The following STK24 variants were observed in gnomAD, a reference collection of about 807,000 sequenced individuals.
The protein encoded by STK24 is serine/threonine kinase 24, also known as serine/threonine-protein kinase 24.
A neutral mutation model predicts 55.6 loss-of-function variants in STK24; 21 were observed. That is an observed-to-expected ratio of 0.38 (90% CI 0.27 to 0.54). The LOEUF (loss-of-function observed/expected upper bound fraction) is 0.54, where lower values mean the gene tolerates loss of function less well. STK24 is among the 20% of genes least tolerant of loss of function. STK24 has a pLI of 0.79. For synonymous variants in STK24, 200 were observed against 215.2 expected, an observed-to-expected ratio of 0.93 and a Z score of 0.62; for missense variants, 383 against 538.4, an observed-to-expected ratio of 0.71 and a Z score of 2.86.
rs138987102 is a variant in STK24 at position 98,575,877 on chromosome 13, G to C, written c.42+868C>G. On this transcript the variant is annotated intron_variant, in intron 1 of 10. Coordinates refer to ENST00000539966, the MANE Select transcript of STK24 (RefSeq NM_001032296.4). ...AGCTTTGTTTTTCAAAGGGCTAAAA[G>C]CAACGACAACGAAAACAACAACAAC... The C allele has an allele frequency of 1.3e-5, 4 of 306,870 alleles. 1 individual carries two copies. The highest frequency in any genetic ancestry group is 4.5e-5 in the African/African-American group (2 of 44,300). The allele number at this position is 306,870 out of a possible 1,614,324, so 19.0% of individuals were successfully genotyped here. A position where few individuals can be genotyped will look rare whatever the true frequency, so the allele number is the denominator to read the frequency against.
intron 1 of STK24, among the ~76,000 whole-genome samples, chr13:98,566,271 C>T (rs55868952): frequency 0.17 from 26,473 of 152,194 alleles, 2,679 homozygotes; most frequent in Non-Finnish European, 0.23. Flanking sequence ...TAAAAACGCC[C>T]AAAACACCCT....
chr13:98,529,707 G>C (rs1896532421), intron 1 of STK24, among the ~76,000 whole-genome samples: 1 of 152,092 alleles, frequency 6.6e-6, no homozygotes, highest in African/African-American at 2.4e-5. Context: ...CCAAACAGGG[G>C]GGTCCAGAGG....
intron 1 of STK24, among the ~76,000 whole-genome samples, chr13:98,560,551 A>G (rs1897391434): frequency 6.6e-6 from 1 of 152,182 alleles, no homozygotes; most frequent in South Asian, 2.1e-4. Flanking sequence ...TATTTACCAT[A>G]TATTTATAAA....
intron 2 of STK24, among the ~76,000 whole-genome samples, chr13:98,497,561 C>T (rs2139336935): frequency 6.6e-6 from 1 of 152,328 alleles, no homozygotes; most frequent in East Asian, 1.9e-4. Flanking sequence ...CCTCAAATGA[C>T]CTGTCATGCT....
At chr13:98,457,140 C>T (rs1238902119) in intron 10 of STK24, 28 bp downstream of exon 10, 1 of 1,602,166 alleles carries the variant, frequency 6.2e-7, no homozygotes. Context: ...CTCTCCTTCC[C>T]CAGCCCAGAG....
At chr13:98,541,111 G>A (rs116573024) in intron 1 of STK24, among the ~76,000 whole-genome samples, 1,928 of 152,306 alleles carry the variant, frequency 0.013, 50 homozygotes, top group African/African-American at 0.044. Flanking sequence ...CTTAGTTATA[G>A]ACTAAGAGAA....
chr13:98,472,086 G>A (rs1270931399), intron 5 of STK24, among the ~76,000 whole-genome samples: 1 of 152,180 alleles, frequency 6.6e-6, no homozygotes, highest in African/African-American at 2.4e-5. Flanking sequence ...GACACACACA[G>A]GGCAGCCAGG....
At chr13:98,521,167 A>G (rs755590690) in intron 1 of STK24, among the ~76,000 whole-genome samples, 6 of 152,188 alleles carry the variant, frequency 3.9e-5, no homozygotes, top group Non-Finnish European at 8.8e-5. Flanking sequence ...TGGCTCCTAA[A>G]ACGCTACACA....
intron 2 of STK24, among the ~76,000 whole-genome samples, chr13:98,483,366 G>A (rs1894674777): frequency 6.6e-6 from 1 of 152,192 alleles, no homozygotes; most frequent in Non-Finnish European, 1.5e-5. Context: ...TGCTGACTCA[G>A]GACTCGGTGG....
chr13:98,507,676 A>G (rs1895740960), intron 2 of STK24, among the ~76,000 whole-genome samples: 1 of 152,198 alleles, frequency 6.6e-6, no homozygotes, highest in Non-Finnish European at 1.5e-5. Context: ...GCAGATGAGG[A>G]AACAGAGCCC....
chr13:98,477,794 C>T (rs1349972197), intron 3 of STK24, among the ~76,000 whole-genome samples: 1 of 152,170 alleles, frequency 6.6e-6, no homozygotes, highest in Non-Finnish European at 1.5e-5. Context: ...AACCACCTCC[C>T]TTCCATTACC....
intron 6 of STK24, 55 bp from the exon 7 acceptor site, chr13:98,463,891 C>G (rs1238975306): frequency 6.3e-7 from 1 of 1,584,154 alleles, no homozygotes; most frequent in Non-Finnish European, 8.6e-7. Flanking sequence ...GGTCCTACCC[C>G]AAAGGACAGA....
chr13:98,482,002 G>C (rs985112991), intron 3 of STK24, among the ~76,000 whole-genome samples: 1 of 151,782 alleles, frequency 6.6e-6, no homozygotes, highest in Non-Finnish European at 1.5e-5. Flanking sequence ...AGGAAGTAGA[G>C]GTAGCAGTGA....
In STK24 at chr13:98,445,921, A is replaced by AGATC. The variant is rs1892805074; in HGVS notation, c.*7248_*7251dup. The AGATC allele has an allele frequency of 1.8e-6, 1 of 556,448 alleles. No individual in the cohort carries two copies. Among genetic ancestry groups the AGATC allele is most frequent in the African/African-American group, 1.9e-5 (1 of 52,122 alleles). The allele number at this position is 556,448 out of a possible 1,614,324, so 34.5% of individuals were successfully genotyped here. A position where few individuals can be genotyped will look rare whatever the true frequency, so the allele number is the denominator to read the frequency against. ...CAGCAAGTGACAAGGGGAAGTGATG[A>AGATC]GATCAGGGTCCCAGGACCTGCCAAG... On this transcript the variant is annotated 3_prime_UTR_variant, in exon 11 of 11. Transcript: ENST00000539966.
chr13:98,480,125 G>C (rs557475726), intron 3 of STK24, among the ~76,000 whole-genome samples: 20 of 152,236 alleles, frequency 1.3e-4, no homozygotes, highest in Middle Eastern at 3.2e-3. Flanking sequence ...TTAAGCAGAA[G>C]TGAAAAACAG....
chr13:98,478,989 G>A (rs1402677450), intron 3 of STK24, among the ~76,000 whole-genome samples: 6 of 152,138 alleles, frequency 3.9e-5, no homozygotes, highest in Non-Finnish European at 7.3e-5. Context: ...AGGACTTTCC[G>A]CTGCTGTGTC....
At chr13:98,474,392 G>A (rs1254851846) in intron 5 of STK24, among the ~76,000 whole-genome samples, 1 of 152,092 alleles carries the variant, frequency 6.6e-6, no homozygotes, top group Non-Finnish European at 1.5e-5. Context: ...TCTTGTGGGA[G>A]CCCCTTTCTC....
intron 1 of STK24, among the ~76,000 whole-genome samples, chr13:98,549,154 C>T (rs1278820370): frequency 6.6e-6 from 1 of 152,226 alleles, no homozygotes; most frequent in African/African-American, 2.4e-5. Flanking sequence ...ATGCAGCTAA[C>T]CACCAACAAT....
chr13:98,463,539 C>G, intron 7 of STK24, 152 bp downstream of exon 7: 1 of 915,942 alleles, frequency 1.1e-6, no homozygotes, highest in Non-Finnish European at 1.6e-6. Context: ...CCCAAACAGG[C>G]CCAGGCTGTG....
Sources: allele counts gnomAD v4.1 joint callset (sites outside exome capture counted in the v4.1 genomes callset), GRCh38; gene constraint gnomAD v4.1.1; transcripts MANE v1.5; gene names NCBI Gene and HGNC (gene_info 2026-07-23, HGNC 2026-07-21).